The following DOCK5 variants were observed in gnomAD, a reference collection of about 807,000 sequenced individuals.
DOCK5 encodes the protein dedicator of cytokinesis protein 5.
A neutral mutation model predicts 251.8 loss-of-function variants in DOCK5; 142 were observed. That is an observed-to-expected ratio of 0.56 (90% confidence interval 0.49 to 0.65). The LOEUF (loss-of-function observed/expected upper bound fraction) is 0.65, where lower values mean the gene tolerates loss of function less well. Among genes scored for constraint, DOCK5 ranks in the 30% least tolerant of loss-of-function variants. DOCK5 has a pLI of 0.00. For missense variants in DOCK5, 2,111 were observed against 2,312.3 expected, an observed-to-expected ratio of 0.91 and a Z score of 1.79; for synonymous variants, 842 against 835.5, an observed-to-expected ratio of 1.01 and a Z score of -0.13.
Position 25,368,230 on chromosome 8 carries a change from G to A in DOCK5, c.3263G>A (p.Arg1088Gln), listed in dbSNP as rs748965106. The A allele has an allele frequency of 2.4e-5, 38 of 1,612,614 alleles. No homozygotes were observed. The highest frequency in any genetic ancestry group is 4.0e-5 in the African/African-American group (3 of 75,044). ...AGAAAGGAAATCGGCTTTAGAATCC[G>A]GGACATGTGGTATAACCTGGGTGAG... ...DMRKEIGFRIRDMWYNLGPHK... is the reference protein window; with the variant it reads ...DMRKEIGFRIQDMWYNLGPHK... Residue 1088 changes from arginine (R) to glutamine (Q), a missense_variant, in exon 32 of 52, where the codon CGG (arginine) becomes CAG (glutamine). By Grantham distance (43) the Arg-to-Gln change is conservative. This residue lies in a region of DOCK5 where 1,717 missense variants were observed against 1,892.4 expected (regional missense o/e 0.91). Coordinates refer to ENST00000276440, the MANE Select transcript of DOCK5 (RefSeq NM_024940.8).
chr8:25,393,402 G>A (rs1426978225), intron 44 of DOCK5, among the ~76,000 whole-genome samples: 1 of 152,152 alleles, frequency 6.6e-6, no homozygotes, highest in Non-Finnish European at 1.5e-5. Flanking sequence ...GCCTCAGTGG[G>A]AATTCCATTA....
At chr8:25,255,286 AAAATGTGGGAGT>A (rs1412649124) in intron 2 of DOCK5, among the ~76,000 whole-genome samples, 1 of 152,260 alleles carries the variant, frequency 6.6e-6, no homozygotes, top group Middle Eastern at 3.2e-3. Flanking sequence ...CATAATTGCC[AAAATGTGGGAGT>A]AAACAAGATG....
At chr8:25,227,874 T>C (rs1802570541) in intron 1 of DOCK5, among the ~76,000 whole-genome samples, 1 of 152,112 alleles carries the variant, frequency 6.6e-6, no homozygotes, top group South Asian at 2.1e-4. Context: ...TTCTGTGCTT[T>C]TGTTGTTGTT....
At chr8:25,218,989 T>C (rs1447501110) in intron 1 of DOCK5, among the ~76,000 whole-genome samples, 1 of 152,224 alleles carries the variant, frequency 6.6e-6, no homozygotes, top group Non-Finnish European at 1.5e-5. Flanking sequence ...GATACTCCTT[T>C]TTAAAGAGGA....
intron 5 of DOCK5, among the ~76,000 whole-genome samples, chr8:25,285,462 T>G (rs1250967461): frequency 6.6e-6 from 1 of 152,128 alleles, no homozygotes. Flanking sequence ...TGAATTTAAT[T>G]GCTAACATGT....
At chr8:25,335,996 T>A (rs914916218) in intron 21 of DOCK5, among the ~76,000 whole-genome samples, 6 of 152,236 alleles carry the variant, frequency 3.9e-5, no homozygotes, top group African/African-American at 1.4e-4. Flanking sequence ...TCCGGTTTAA[T>A]CCCACAAAGG....
intron 27 of DOCK5, among the ~76,000 whole-genome samples, chr8:25,352,842 G>C (rs962745406): frequency 2.0e-5 from 3 of 152,098 alleles, no homozygotes; most frequent in Non-Finnish European, 4.4e-5. Context: ...AAAAAAATGA[G>C]CAGGATAAGG....
At position 25,336,230 on chromosome 8, in the gene DOCK5, T is replaced by G. The variant is rs184496643; in HGVS notation, c.2193-9T>G. ...CATTGGCTTAATTTTTCTTTCTCATTCTTCTAAGGAAACTCTCCAAGGTAC... is the reference window on the plus strand; with the variant it reads ...CATTGGCTTAATTTTTCTTTCTCATGCTTCTAAGGAAACTCTCCAAGGTAC... On this transcript the variant is annotated splice_polypyrimidine_tract_variant and intron_variant, in intron 21 of 51. Coordinates refer to ENST00000276440, the MANE Select transcript of DOCK5 (RefSeq NM_024940.8). The G allele has an allele frequency of 1.1e-5, 18 of 1,604,500 alleles. No homozygotes were observed. Among genetic ancestry groups the G allele is most frequent in the Non-Finnish European group, 1.4e-5 (16 of 1,172,130 alleles).
chr8:25,191,328 C>T (rs535169623), intron 1 of DOCK5, among the ~76,000 whole-genome samples: 73 of 152,228 alleles, frequency 4.8e-4, no homozygotes, highest in African/African-American at 1.7e-3. Context: ...ACCCAGCTGC[C>T]TATAGTGAAG....
Position 25,408,115 on chromosome 8 carries a change from C to A in DOCK5, c.5226C>A (p.Ser1742=). 6.3e-7 allele frequency: 1 copy of A among 1,598,470 alleles called. No individual in the cohort carries two copies. The highest frequency in any genetic ancestry group is 8.5e-7 in the Non-Finnish European group (1 of 1,172,508). ...GAAAAGACTGGAGTCTGAGCAAGTC[C>A]CAGGTCATTGCAGAGAAAGCACCAG... ...FKRKDWSLSK[S]QVIAEKAPEP... Residue 1742 remains serine (S), a synonymous_variant, in exon 49 of 52, where the codon TCC becomes TCA. Transcript: ENST00000276440.
intron 1 of DOCK5, among the ~76,000 whole-genome samples, chr8:25,200,382 G>C (rs1801852189): frequency 1.3e-5 from 2 of 152,202 alleles, no homozygotes; most frequent in Admixed American, 1.3e-4. Flanking sequence ...ATTGGGGATG[G>C]ATTTAGTAAT....
chr8:25,373,934 G>A (rs1163189350), intron 36 of DOCK5, among the ~76,000 whole-genome samples: 2 of 152,166 alleles, frequency 1.3e-5, no homozygotes, highest in African/African-American at 4.8e-5. Context: ...TACAGGAAGA[G>A]GCAGGAAAAC....
At chr8:25,365,402 C>T (rs1800758526) in intron 30 of DOCK5, among the ~76,000 whole-genome samples, 1 of 152,194 alleles carries the variant, frequency 6.6e-6, no homozygotes, top group Admixed American at 6.5e-5. Context: ...TCCTTGACTA[C>T]AGATTGTCCA....
At chr8:25,220,190 C>T (rs1802348142) in intron 1 of DOCK5, among the ~76,000 whole-genome samples, 1 of 151,332 alleles carries the variant, frequency 6.6e-6, no homozygotes, top group East Asian at 1.9e-4. Context: ...CTTTCCTTTC[C>T]TTTTCTTTGT....
chr8:25,403,630 C>T lies in DOCK5; in HGVS notation c.4999C>T (p.Leu1667=). The T allele has an allele frequency of 1.2e-6, 2 of 1,613,990 alleles. No homozygotes were observed. The highest frequency in any genetic ancestry group is 2.2e-5 in the East Asian group (1 of 44,876). Residue 1667 remains leucine, a synonymous_variant, in exon 48 of 52, where the codon CTG becomes TTG. Coordinates refer to ENST00000276440, the MANE Select transcript of DOCK5 (RefSeq NM_024940.8). ...GCTCCCCTACATCATGTCTTCCACT[C>T]TGCGGAGGTTGTCCATCACCTCAGT... ...IVLPYIMSST[L]RRLSITSVTS...
chr8:25,185,449 C>T (rs1586209639), intron 1 of DOCK5, among the ~76,000 whole-genome samples: 2 of 152,134 alleles, frequency 1.3e-5, no homozygotes, highest in African/African-American at 4.8e-5. Flanking sequence ...GCCGCCCTGC[C>T]CCCTTTCCTC....
At chr8:25,262,823 T>G (rs888306655) in intron 2 of DOCK5, among the ~76,000 whole-genome samples, 3 of 134,054 alleles carry the variant, frequency 2.2e-5, no homozygotes, top group Non-Finnish European at 4.6e-5. Context: ...ATAGATACAA[T>G]TTTTTTTTTT....
intron 13 of DOCK5, among the ~76,000 whole-genome samples, chr8:25,312,384 G>A (rs1164165019): frequency 1.3e-5 from 2 of 152,178 alleles, no homozygotes; most frequent in South Asian, 2.1e-4. Context: ...AATCTGGCTT[G>A]TAAAAGAACA....
At chr8:25,400,017 A>G (rs1801410598) in intron 46 of DOCK5, 23 bp downstream of exon 46, 1 of 1,595,026 alleles carries the variant, frequency 6.3e-7, no homozygotes, top group Middle Eastern at 1.7e-4. Flanking sequence ...TTTCCTCTAC[A>G]CTCCCAGGGA....
Sources: gnomAD v4.1 joint callset for allele counts (sites outside exome capture counted in the v4.1 genomes callset) on GRCh38, gnomAD v4.1.1 for gene constraint, gnomAD v4.1.1 regional missense constraint, MANE v1.5 for transcripts, NCBI Gene and HGNC (gene_info 2026-07-23, HGNC 2026-07-21) for gene names.